Variants in CCDC30 observed in about 807,000 individuals in gnomAD.
CCDC30 encodes coiled-coil domain containing 30.
Under a neutral mutation model 100.2 loss-of-function variants are expected in CCDC30, and 70 were observed. That is an observed-to-expected ratio of 0.70 (90% CI 0.58 to 0.85). CCDC30 has a LOEUF of 0.85. Among genes scored for constraint, CCDC30 ranks in the 40% least tolerant of loss-of-function variants. The pLI, the probability that CCDC30 is intolerant of heterozygous loss-of-function variation, is 0.00. For missense variants in CCDC30, 652 were observed against 771.2 expected, an observed-to-expected ratio of 0.85 and a Z score of 1.83; for synonymous variants, 233 against 269.5, an observed-to-expected ratio of 0.86 and a Z score of 1.33.
In CCDC30 at chr1:42,463,482, AGTATG is replaced by A. The variant is rs1183841929; in HGVS notation, c.-505_-501del. The A allele has an allele frequency of 6.6e-6, 1 of 152,146 alleles. No individual in the cohort carries two copies. The highest frequency in any genetic ancestry group is 2.4e-5 in the African/African-American group (1 of 41,416). 9.4% of individuals were successfully genotyped at this position (152,146 alleles called of 1,614,324 possible). On this transcript the variant is annotated 5_prime_UTR_variant, in exon 1 of 17. An upstream start codon of the reference 5' UTR is lost. Transcript: ENST00000668663. Reference sequence around the variant, plus strand: ...TTACGGGCCTTTTCTGCTTCTCCCCAGTATGGTCCGAAACTACAGGAGGGGAACCC... The same window carrying A: ...TTACGGGCCTTTTCTGCTTCTCCCCAGTCCGAAACTACAGGAGGGGAACCC...
chr1:42,619,523 C>A (rs1195062537), intron 11 of CCDC30, among the ~76,000 whole-genome samples: 3 of 152,140 alleles, frequency 2.0e-5, no homozygotes, highest in African/African-American at 7.2e-5. Context: ...TATACACCAT[C>A]TTGAGATTAC....
chr1:42,520,151 G>T (rs906796789), intron 6 of CCDC30, among the ~76,000 whole-genome samples: 6 of 126,640 alleles, frequency 4.7e-5, no homozygotes, highest in Non-Finnish European at 8.5e-5. Context: ...CTACCTTCAG[G>T]TTTGTTTTGT....
Position 42,611,213 on chromosome 1 carries a change from A to G in CCDC30, c.1277+123A>G, listed in dbSNP as rs114541061. The G allele has an allele frequency of 5.4e-3, 2,978 of 547,694 alleles. 62 individuals carry two copies. Among genetic ancestry groups the G allele is most frequent in the African/African-American group, 0.032 (1,655 of 51,558 alleles). 33.9% of individuals were successfully genotyped at this position (547,694 alleles called of 1,614,324 possible). A position where few individuals can be genotyped will look rare whatever the true frequency, so the allele number is the denominator to read the frequency against. ...CAACCTTTCAAGAGGGCCATCATAA[A>G]ATTCCTATGTTTCCAAAAGTGCTAT... On this transcript the variant is annotated intron_variant, in intron 11 of 16. Transcript: ENST00000668663.
At chr1:42,484,889 A>G (rs1488429920) in intron 3 of CCDC30, among the ~76,000 whole-genome samples, 3 of 152,140 alleles carry the variant, frequency 2.0e-5, no homozygotes, top group Non-Finnish European at 2.9e-5. Flanking sequence ...ATCAAGAAAA[A>G]AGATGAATTT....
At chr1:42,517,692 C>T (rs1370231459) in intron 6 of CCDC30, among the ~76,000 whole-genome samples, 1 of 152,150 alleles carries the variant, frequency 6.6e-6, no homozygotes, top group Non-Finnish European at 1.5e-5. Context: ...CGTCTTTGCA[C>T]TCTTGTTGAA....
intron 9 of CCDC30, among the ~76,000 whole-genome samples, chr1:42,586,800 T>G (rs12408987): frequency 0.13 from 19,295 of 152,172 alleles, 1,430 homozygotes; most frequent in East Asian, 0.17. Context: ...ATATGATTAG[T>G]TTGCAATTTA....
At chr1:42,459,154 G>A (rs955059737), upstream of CCDC30, 2 of 145,824 alleles carry the variant, frequency 1.4e-5, no homozygotes, top group African/African-American at 5.4e-5. Flanking sequence ...CAGAGCCAAG[G>A]CTTTTTTTTT....
At chr1:42,602,367 A>G (rs1646421006) in intron 10 of CCDC30, among the ~76,000 whole-genome samples, 1 of 152,158 alleles carries the variant, frequency 6.6e-6, no homozygotes. Context: ...CTTTGAAAAG[A>G]TTAATAAAAT....
intron 6 of CCDC30, among the ~76,000 whole-genome samples, chr1:42,557,246 A>G (rs955772689): frequency 6.6e-6 from 1 of 152,248 alleles, no homozygotes; most frequent in Non-Finnish European, 1.5e-5. Context: ...ATTCAGATAC[A>G]GAGTTTGAAA....
chr1:42,541,241 AAG>A (rs548528484), intron 6 of CCDC30, among the ~76,000 whole-genome samples: 2 of 151,930 alleles, frequency 1.3e-5, no homozygotes, highest in African/African-American at 4.8e-5. Context: ...GCCAACAGCA[AAG>A]AGAGAGAGAG....
At chr1:42,507,036 C>T (rs1467458634) in intron 6 of CCDC30, among the ~76,000 whole-genome samples, 1 of 152,152 alleles carries the variant, frequency 6.6e-6, no homozygotes, top group Non-Finnish European at 1.5e-5. Context: ...GAGTGATTCT[C>T]CTGCCTCAGC....
At chr1:42,618,925 A>G (rs1646778217) in intron 11 of CCDC30, among the ~76,000 whole-genome samples, 1 of 152,222 alleles carries the variant, frequency 6.6e-6, no homozygotes, top group Non-Finnish European at 1.5e-5. Flanking sequence ...ACTTACTTAC[A>G]TGGCCTCATT....
At chr1:42,656,967 G>A (rs148541669), downstream of CCDC30, among the ~76,000 whole-genome samples, 8 of 152,248 alleles carry the variant, frequency 5.3e-5, no homozygotes, top group East Asian at 1.5e-3. Flanking sequence ...ATACTGAAGC[G>A]TGACTGCTGC....
intron 11 of CCDC30, among the ~76,000 whole-genome samples, chr1:42,625,862 G>T (rs1384291267): frequency 6.6e-6 from 1 of 151,922 alleles, no homozygotes; most frequent in Non-Finnish European, 1.5e-5. Flanking sequence ...ATATCTATTA[G>T]GTCCATTTGG....
At chr1:42,617,721 C>A (rs1393522650) in intron 11 of CCDC30, among the ~76,000 whole-genome samples, 1 of 152,128 alleles carries the variant, frequency 6.6e-6, no homozygotes, top group Non-Finnish European at 1.5e-5. Flanking sequence ...ACCACATGAG[C>A]CAGTTTATCT....
chr1:42,502,231 T>TCCATGGGCGTGGGAC (rs1553185809), intron 6 of CCDC30, among the ~76,000 whole-genome samples: 1 of 150,256 alleles, frequency 6.7e-6, no homozygotes, highest in Non-Finnish European at 1.5e-5. Context: ...TGAGCAAGGC[T>TCCATGGGCGTGGGAC]CCATGGGCGT....
At chr1:42,484,324 C>T (rs977431969) in intron 3 of CCDC30, among the ~76,000 whole-genome samples, 1 of 152,104 alleles carries the variant, frequency 6.6e-6, no homozygotes, top group South Asian at 2.1e-4. Context: ...ATTTATTCCT[C>T]AGTAAACACT....
exon 3 of CCDC30, chr1:42,482,797 G>A (rs1643983902): frequency 1.6e-6 from 2 of 1,233,696 alleles, no homozygotes; most frequent in South Asian, 8.2e-5. Flanking sequence ...AAGTGAAGGA[G>A]AAGGAACAAT....
At chr1:42,575,275 C>G (rs1645808992) in intron 7 of CCDC30, among the ~76,000 whole-genome samples, 1 of 152,120 alleles carries the variant, frequency 6.6e-6, no homozygotes, top group East Asian at 1.9e-4. Flanking sequence ...GAATATCATT[C>G]ATTTACTTGC....
Sources: gnomAD v4.1 joint callset for allele counts (sites outside exome capture counted in the v4.1 genomes callset) on GRCh38, gnomAD v4.1.1 for gene constraint, MANE v1.5 for transcripts, NCBI Gene and HGNC (gene_info 2026-07-23, HGNC 2026-07-21) for gene names.